FOXJ2: variants seen among roughly 807,000 people sequenced by gnomAD.
FOXJ2 encodes forkhead box J2.
A neutral mutation model predicts 68.4 loss-of-function variants in FOXJ2; 18 were observed. The observed-to-expected ratio is 0.26, with a 90% confidence interval of 0.18 to 0.39. FOXJ2 has a LOEUF of 0.39. Among genes scored for constraint, FOXJ2 ranks in the 10% least tolerant of loss-of-function variants. FOXJ2 has a pLI of 1.00. For synonymous variants in FOXJ2, 274 were observed against 263.2 expected (o/e 1.04, Z -0.40); for missense variants, 670 against 726.5 (o/e 0.92, Z 0.89).
intron 2 of FOXJ2, 95 bp from the exon 3 acceptor site, chr12:8,042,563 T>G: frequency 1.0e-6 from 1 of 974,264 alleles, no homozygotes; most frequent in Non-Finnish European, 1.6e-6. Flanking sequence ...AACTGCATGG[T>G]GTATTATGTT....
Position 8,055,282 on chromosome 12 carries a change from A to G in FOXJ2, c.*2432A>G, listed in dbSNP as rs1375258576. 1.3e-5 allele frequency: 2 copies of G among 152,664 alleles called. No individual in the cohort carries two copies. Among genetic ancestry groups the G allele is most frequent in the African/African-American group, 4.8e-5 (2 of 41,446 alleles). 9.5% of individuals were successfully genotyped at this position (152,664 alleles called of 1,614,324 possible). A position where few individuals can be genotyped will look rare whatever the true frequency, so the allele number is the denominator to read the frequency against. ...CTGCCTATAAGAGGAAATAAGAGAGAAAGTGGAGGAGAGGGACAAAAGGAG... is the reference window on the plus strand; with the variant it reads ...CTGCCTATAAGAGGAAATAAGAGAGGAAGTGGAGGAGAGGGACAAAAGGAG... On this transcript the variant is annotated 3_prime_UTR_variant, in exon 11 of 11. Coordinates refer to ENST00000162391, the MANE Select transcript of FOXJ2 (RefSeq NM_018416.3).
chr12:8,045,246 C>G (rs1178982975), intron 6 of FOXJ2, among the ~76,000 whole-genome samples: 1 of 141,830 alleles, frequency 7.1e-6, no homozygotes, highest in East Asian at 2.0e-4. Flanking sequence ...GAGATGGAGT[C>G]TCGCTCTTGT....
chr12:8,049,304 G>A (rs1339016414), intron 8 of FOXJ2, 58 bp from the exon 9 acceptor site: 3 of 1,433,724 alleles, frequency 2.1e-6, no homozygotes, highest in African/African-American at 1.4e-5. Flanking sequence ...ATAGGGCGGG[G>A]TCTGATAGGG....
At chr12:8,046,436 T>C (rs1947037328) in intron 6 of FOXJ2, among the ~76,000 whole-genome samples, 1 of 152,228 alleles carries the variant, frequency 6.6e-6, no homozygotes, top group Non-Finnish European at 1.5e-5. Flanking sequence ...AATTCACATA[T>C]ACCATGTCAT....
intron 4 of FOXJ2, 45 bp from the exon 5 acceptor site, chr12:8,043,906 T>G: frequency 2.6e-6 from 4 of 1,563,886 alleles, no homozygotes; most frequent in Non-Finnish European, 2.6e-6. Flanking sequence ...CTTGGGAGGA[T>G]ATTGCGCCTC....
chr12:8,037,525 G>T (rs927580399), intron 1 of FOXJ2, among the ~76,000 whole-genome samples: 5 of 152,190 alleles, frequency 3.3e-5, no homozygotes, highest in African/African-American at 9.7e-5. Flanking sequence ...TGCCAAATGG[G>T]TTCTTCTGTA....
chr12:8,034,510 G>T (rs2121314459), intron 1 of FOXJ2, among the ~76,000 whole-genome samples: 1 of 152,314 alleles, frequency 6.6e-6, no homozygotes, highest in Admixed American at 6.5e-5. Flanking sequence ...GCAGGGGAAT[G>T]CCAACTCCCG....
rs1474150299 is a variant in FOXJ2 at position 8,054,228 on chromosome 12, A to G, written c.*1378A>G. ...CCAAGGGGGACCCCCAGAAAAAGGTATGGAGCTAACTCATCTCTTTTACAA... is the reference window on the plus strand; with the variant it reads ...CCAAGGGGGACCCCCAGAAAAAGGTGTGGAGCTAACTCATCTCTTTTACAA... On this transcript the variant is annotated 3_prime_UTR_variant, in exon 11 of 11. Transcript: ENST00000162391. 6.6e-6 allele frequency: 1 copy of G among 152,236 alleles called. No individual in the cohort carries two copies. Among genetic ancestry groups the G allele is most frequent in the African/African-American group, 2.4e-5 (1 of 41,456 alleles). The allele number at this position is 152,236 out of a possible 1,614,324, so 9.4% of individuals were successfully genotyped here.
Position 8,039,938 on chromosome 12 carries a change from C to T in FOXJ2, c.106C>T (p.Pro36Ser). 6.2e-7 allele frequency: 1 copy of T among 1,614,108 alleles called. No individual in the cohort carries two copies. ...TGGAAGTGCCTCCCAGGCTGGGCCT[C>T]CCGGGAGCAGCCGCAAGTGTTCACC... is the stretch of plus-strand genomic sequence containing the variant. The part of the protein sequence containing the change: ...KLGSASQAGP[P>S]GSSRKCSPGS... The change falls in exon 2 of 11, where the codon CCC becomes TCC. Residue 36 changes from proline (P) to serine (S), a missense_variant. Around this residue, in one of 2 missense-constraint regions of FOXJ2, gnomAD observed 115 missense variants for 164.3 expected, o/e 0.70. Coordinates refer to ENST00000162391, the MANE Select transcript of FOXJ2 (RefSeq NM_018416.3).
At chr12:8,043,217 CAAAAAAAAAA>C (rs11423157) in intron 3 of FOXJ2, among the ~76,000 whole-genome samples, 5 of 58,180 alleles carry the variant, frequency 8.6e-5, no homozygotes, top group African/African-American at 1.8e-4. Context: ...AACTCCATCT[CAAAAAAAAAA>C]AAAAAAAAAA....
intron 1 of FOXJ2, 146 bp downstream of exon 1, chr12:8,033,979 C>T (rs1591573485): frequency 6.6e-6 from 1 of 152,130 alleles, no homozygotes; most frequent in Admixed American, 6.5e-5. Context: ...CAAGGGAGCT[C>T]CTGGATTTGA....
intron 7 of FOXJ2, 122 bp downstream of exon 7, chr12:8,048,411 A>C (rs1199056884): frequency 1.4e-6 from 2 of 1,437,878 alleles, no homozygotes. Context: ...TCGCTCCTTC[A>C]TGTGAGCTAA....
At chr12:8,048,589 C>A in intron 7 of FOXJ2, 108 bp from the exon 8 acceptor site, 1 of 1,238,706 alleles carries the variant, frequency 8.1e-7, no homozygotes, top group Admixed American at 1.8e-5. Flanking sequence ...AATGCAACTG[C>A]TAATCTGTAT....
intron 9 of FOXJ2, 138 bp from the exon 10 acceptor site, chr12:8,050,384 A>G (rs372253955): frequency 5.0e-6 from 7 of 1,411,480 alleles, no homozygotes; most frequent in Admixed American, 3.2e-5. Context: ...GAAAGCCTTC[A>G]TGCCTGCAGG....
Position 8,052,786 on chromosome 12 carries a change from C to T in FOXJ2, c.1661C>T (p.Ser554Leu). 1.2e-6 allele frequency: 2 copies of T among 1,610,708 alleles called. No individual in the cohort carries two copies. Among genetic ancestry groups the T allele is most frequent in the Non-Finnish European group, 1.7e-6 (2 of 1,178,240 alleles). The change falls in exon 11 of 11, where the codon TCA (serine) becomes TTA (leucine). Residue 554 changes from serine (S) to leucine (L), a missense_variant. By Grantham distance (145) the Ser-to-Leu change is moderately radical. Around this residue, in one of 2 missense-constraint regions of FOXJ2, gnomAD observed 555 missense variants for 562.2 expected, o/e 0.99. Coordinates refer to ENST00000162391, the MANE Select transcript of FOXJ2 (RefSeq NM_018416.3). ...GCACACCATATGGTCCCTCGGCCAT[C>T]AGTGCCACCTCCTGGTGCCAATGAG... ...RPAHHMVPRP[S>L]VPPPGANEEI...
At chr12:8,037,280 G>A (rs1375483720) in intron 1 of FOXJ2, among the ~76,000 whole-genome samples, 1 of 152,088 alleles carries the variant, frequency 6.6e-6, no homozygotes, top group East Asian at 1.9e-4. Context: ...AAGGAGAACG[G>A]TGCGGAAAGA....
intron 3 of FOXJ2, among the ~76,000 whole-genome samples, 198 bp downstream of exon 3, chr12:8,042,930 G>A (rs972443594): frequency 6.6e-6 from 1 of 152,002 alleles, no homozygotes; most frequent in Non-Finnish European, 1.5e-5. Flanking sequence ...GAGAAAGACT[G>A]TGAGGCCAGG....
chr12:8,043,436 C>T (rs941135722), intron 3 of FOXJ2, among the ~76,000 whole-genome samples: 3 of 152,066 alleles, frequency 2.0e-5, no homozygotes, highest in Non-Finnish European at 2.9e-5. Context: ...CTCCATTTGA[C>T]AGATGTGGAT....
chr12:8,043,662 A>G (rs766979036), intron 3 of FOXJ2, 39 bp from the exon 4 acceptor site: 6 of 1,608,542 alleles, frequency 3.7e-6, no homozygotes, highest in African/African-American at 1.3e-5. Flanking sequence ...TTCTGAATGT[A>G]ACAATTTTGT....
Sources: gnomAD v4.1 joint callset for allele counts (sites outside exome capture counted in the v4.1 genomes callset) on GRCh38, gnomAD v4.1.1 for gene constraint, gnomAD v4.1.1 regional missense constraint, MANE v1.5 for transcripts, NCBI Gene and HGNC (gene_info 2026-07-23, HGNC 2026-07-21) for gene names.